The following L3MBTL1 variants were observed in gnomAD, a reference collection of about 807,000 sequenced individuals.
The protein encoded by L3MBTL1 is L3MBTL histone methyl-lysine binding protein 1.
In L3MBTL1, 75 loss-of-function variants were observed where a neutral mutation model predicts 105.3. The observed-to-expected ratio is 0.71, with a 90% CI of 0.59 to 0.86. The LOEUF (loss-of-function observed/expected upper bound fraction) is 0.86. Ranked by LOEUF, L3MBTL1 falls within the 40% of genes least tolerant of loss-of-function variation. L3MBTL1 has a pLI of 0.00. For missense variants in L3MBTL1, 1,069 were observed against 1,126.4 expected, an observed-to-expected ratio of 0.95 and a Z score of 0.73; for synonymous variants, 452 against 436.2, an observed-to-expected ratio of 1.04 and a Z score of -0.45.
chr20:43,514,033 CGGCCCCGCCCCCA>C lies in L3MBTL1; in HGVS notation c.335_347del (p.Ala112GlyfsTer8). The C allele has an allele frequency of 6.5e-7, 1 of 1,536,246 alleles. No individual in the cohort carries two copies. Among genetic ancestry groups the C allele is most frequent in the Non-Finnish European group, 8.7e-7 (1 of 1,146,522 alleles). Reference sequence around the variant, plus strand: ...CGGCTTCTGGAATGGACAGAGGCCGCGGCCCCGCCCCCAGGGGGCGGCCTGCGGGTCAGTGTCT... The same window carrying C: ...CGGCTTCTGGAATGGACAGAGGCCGCGGGGGCGGCCTGCGGGTCAGTGTCT... On this transcript the variant is annotated frameshift_variant, in exon 3 of 22. Coordinates refer to ENST00000418998, the MANE Select transcript of L3MBTL1 (RefSeq NM_001377303.1). LOFTEE classifies it high-confidence loss of function.
At chr20:43,549,297 C>G (rs1978831380) in exon 19 of L3MBTL1, 1 of 152,338 alleles carries the variant, frequency 6.6e-6, no homozygotes. Flanking sequence ...GAATGTAGCA[C>G]TCTGTGTAGC....
intron 19 of L3MBTL1, chr20:43,539,038 G>A: frequency 6.5e-6 from 1 of 152,850 alleles, no homozygotes; most frequent in Non-Finnish European, 1.5e-5. Flanking sequence ...AACAGAGAGA[G>A]CAGCAGGAAG....
Position 43,530,889 on chromosome 20 carries a change from C to A in L3MBTL1, c.1284C>A (p.His428Gln). The A allele has an allele frequency of 6.2e-7, 1 of 1,612,680 alleles. No individual in the cohort carries two copies. The highest frequency in any genetic ancestry group is 8.5e-7 in the Non-Finnish European group (1 of 1,179,220). The change falls in exon 11 of 22, where the codon CAC (histidine) becomes CAA (glutamine). Residue 428 changes from histidine (H) to glutamine (Q), a missense_variant and splice_region_variant. By Grantham distance (24) the His-to-Gln change is conservative. Coordinates refer to ENST00000418998, the MANE Select transcript of L3MBTL1 (RefSeq NM_001377303.1). Reference sequence around the variant, plus strand: ...AGCACCTGTTTGTGAGCCAGAGCCACGTGAGTGCCCCTGAGTGAGAGTGGA... The same window carrying A: ...AGCACCTGTTTGTGAGCCAGAGCCAAGTGAGTGCCCCTGAGTGAGAGTGGA... The part of the protein sequence containing the change: ...APKHLFVSQS[H>Q]SPPPLGFQVG...
chr20:43,516,164 C>T lies in L3MBTL1; in HGVS notation c.849C>T (p.Ser283=), dbSNP rs1010147614. The T allele has an allele frequency of 9.3e-6, 15 of 1,613,586 alleles. No individual in the cohort carries two copies. Among genetic ancestry groups the T allele is most frequent in the Non-Finnish European group, 1.3e-5 (15 of 1,179,708 alleles). ...TASTPESEEW[S]SSQPATGEKK... ...GCACCCCAGAGAGTGAGGAGTGGAGCAGCAGCCAGCCTGGTACGGTGGCTT... is the reference window on the plus strand; with the variant it reads ...GCACCCCAGAGAGTGAGGAGTGGAGTAGCAGCCAGCCTGGTACGGTGGCTT... The change falls in exon 7 of 22, where the codon AGC becomes AGT. Residue 283 remains serine (S), a synonymous_variant. Coordinates refer to ENST00000418998, the MANE Select transcript of L3MBTL1 (RefSeq NM_001377303.1).
At chr20:43,509,926 C>A (rs1434416904) in intron 1 of L3MBTL1, among the ~76,000 whole-genome samples, 1 of 151,618 alleles carries the variant, frequency 6.6e-6, no homozygotes, top group Admixed American at 6.6e-5. Flanking sequence ...TGCAGTGGCG[C>A]GATCTTGGCT....
intron 7 of L3MBTL1, among the ~76,000 whole-genome samples, chr20:43,520,312 G>C (rs921954403): frequency 6.6e-6 from 1 of 152,140 alleles, no homozygotes; most frequent in Non-Finnish European, 1.5e-5. Context: ...ATGGACATAT[G>C]GATTGCTTCT....
Position 43,536,292 on chromosome 20 carries a change from C to T in L3MBTL1, c.2121C>T (p.Gly707=), listed in dbSNP as rs373996161. 1.9e-6 allele frequency: 3 copies of T among 1,612,856 alleles called. No homozygotes were observed. The highest frequency in any genetic ancestry group is 2.7e-5 in the African/African-American group (2 of 75,036). The change falls in exon 18 of 22, where the codon GGC becomes GGT. Residue 707 remains glycine, a splice_region_variant and synonymous_variant. Coordinates refer to ENST00000418998, the MANE Select transcript of L3MBTL1 (RefSeq NM_001377303.1). ...CAAGGAAGAAGCCTCGCCATCACGG[C>T]CGGTATGGAGGCCAGGGAATCAGGG... is the stretch of plus-strand genomic sequence containing the variant. ...FSPRKKPRHH[G]RIGRPPKYRK...
chr20:43,521,940 A>G (rs1031567049), intron 7 of L3MBTL1, among the ~76,000 whole-genome samples: 1 of 152,230 alleles, frequency 6.6e-6, no homozygotes, highest in African/African-American at 2.4e-5. Flanking sequence ...AGATGAGCAA[A>G]AGAACAGATA....
In L3MBTL1 at chr20:43,528,681, G is replaced by A; in HGVS notation, c.887G>A (p.Trp296Ter). ...QPATGEKKEC[W>*]SWESYLEEQK... is the part of the protein sequence containing the mutation. Reference sequence around the variant, plus strand: ...GCAACAGGTGAGAAGAAGGAATGCTGGTCGTGGGAGTCCTACCTAGAGGAG... The same window carrying A: ...GCAACAGGTGAGAAGAAGGAATGCTAGTCGTGGGAGTCCTACCTAGAGGAG... The change falls in exon 8 of 22, where the codon TGG becomes TAG. Residue 296 changes from tryptophan to a stop codon, truncating the protein, a stop_gained. Transcript: ENST00000418998. LOFTEE classifies it high-confidence loss of function. The A allele has an allele frequency of 6.2e-7, 1 of 1,614,112 alleles. No homozygotes were observed. Among genetic ancestry groups the A allele is most frequent in the Non-Finnish European group, 8.5e-7 (1 of 1,179,954 alleles).
chr20:43,540,514 G>A (rs564004396), intron 20 of L3MBTL1, among the ~76,000 whole-genome samples: 7 of 152,274 alleles, frequency 4.6e-5, no homozygotes, highest in East Asian at 1.9e-4. Context: ...CAGAGGGGGC[G>A]GGGGCTGTGC....
At chr20:43,509,853 G>T (rs1381899045) in intron 1 of L3MBTL1, among the ~76,000 whole-genome samples, 1 of 152,140 alleles carries the variant, frequency 6.6e-6, no homozygotes, top group Admixed American at 6.5e-5. Context: ...CAAATAAAAA[G>T]ATTAACTCTA....
At chr20:43,512,145 G>A (rs948213495) in intron 1 of L3MBTL1, among the ~76,000 whole-genome samples, 2 of 152,138 alleles carry the variant, frequency 1.3e-5, no homozygotes, top group African/African-American at 4.8e-5. Context: ...AAGCTTTTTC[G>A]ACTGGAGAGT....
Position 43,530,288 on chromosome 20 carries a change from G to C in L3MBTL1, c.1061G>C (p.Cys354Ser). The part of the protein sequence containing the change: ...MYFILTVAEV[C>S]GYRLRLHFDG... ...TGATTCCCCTCATGGGGCCAGGTAT[G>C]TGGCTATCGCCTACGCCTGCACTTT... Residue 354 changes from cysteine (C) to serine (S), a missense_variant, in exon 10 of 22, where the codon TGT (cysteine) becomes TCT (serine). Transcript: ENST00000418998. 1 of 1,613,972 alleles carries C rather than the reference G, an allele frequency of 6.2e-7. No individual in the cohort carries two copies. Among genetic ancestry groups the C allele is most frequent in the Non-Finnish European group, 8.5e-7 (1 of 1,179,942 alleles).
At chr20:43,515,576 C>T in intron 6 of L3MBTL1, 161 bp downstream of exon 6, 1 of 834,800 alleles carries the variant, frequency 1.2e-6, no homozygotes, top group Non-Finnish European at 1.8e-6. Context: ...AGGTCCTATA[C>T]CTGGTTAAAG....
At chr20:43,515,479 C>G (rs1000375826) in intron 6 of L3MBTL1, 64 bp downstream of exon 6, 1 of 1,515,946 alleles carries the variant, frequency 6.6e-7, no homozygotes, top group Non-Finnish European at 8.9e-7. Flanking sequence ...TCCCACTGTC[C>G]CCTCCATCAA....
intron 1 of L3MBTL1, among the ~76,000 whole-genome samples, chr20:43,510,102 T>C (rs2018091979): frequency 6.6e-6 from 1 of 152,126 alleles, no homozygotes; most frequent in African/African-American, 2.4e-5. Context: ...TGGCCTCAAG[T>C]GATTGGCCTC....
intron 19 of L3MBTL1, 131 bp from the exon 20 acceptor site, chr20:43,540,020 A>T: frequency 1.0e-6 from 1 of 960,180 alleles, no homozygotes; most frequent in Non-Finnish European, 1.6e-6. Flanking sequence ...TTGACTCTAC[A>T]GGCTGTCAGA....
intron 3 of L3MBTL1, 109 bp from the exon 4 acceptor site, chr20:43,514,526 G>C: frequency 6.4e-7 from 1 of 1,568,508 alleles, no homozygotes. Flanking sequence ...CTTGAGGCCT[G>C]CTGAGGGCGT....
chr20:43,523,057 G>A (rs958580778), intron 7 of L3MBTL1, among the ~76,000 whole-genome samples: 3 of 151,744 alleles, frequency 2.0e-5, no homozygotes, highest in Non-Finnish European at 4.4e-5. Flanking sequence ...GCAGTGAGCC[G>A]AGATCCGCCA....
Sources: allele counts gnomAD v4.1 joint callset (sites outside exome capture counted in the v4.1 genomes callset), GRCh38; gene constraint gnomAD v4.1.1; transcripts MANE v1.5; gene names NCBI Gene and HGNC (gene_info 2026-07-23, HGNC 2026-07-21).